Variants in LRP1B observed in about 807,000 individuals in gnomAD.
LRP1B encodes low-density lipoprotein receptor-related protein 1B.
LRP1B carries 217 observed loss-of-function variants against 556.6 expected under a neutral mutation model. The observed-to-expected ratio is 0.39, with a 90% CI of 0.35 to 0.44. The LOEUF (loss-of-function observed/expected upper bound fraction) is 0.44, where lower values mean the gene tolerates loss of function less well. Among genes scored for constraint, LRP1B ranks in the 20% least tolerant of loss-of-function variants. The pLI is 1.00. For synonymous variants in LRP1B, 2,047 were observed against 1,865.8 expected, an observed-to-expected ratio of 1.10 and a Z score of -2.50; for missense variants, 5,053 against 5,620.8, an observed-to-expected ratio of 0.90 and a Z score of 3.23.
At chr2:141,142,010 T>C (rs1161248930) in intron 7 of LRP1B, among the ~76,000 whole-genome samples, 2 of 151,472 alleles carry the variant, frequency 1.3e-5, no homozygotes, top group Non-Finnish European at 3.0e-5. Flanking sequence ...TTTTTTTTTT[T>C]CTAAAATGTA....
intron 43 of LRP1B, among the ~76,000 whole-genome samples, chr2:140,544,683 A>G (rs114319828): frequency 0.018 from 2,745 of 152,236 alleles, 94 homozygotes; most frequent in African/African-American, 0.062. Flanking sequence ...ATGGTATTCC[A>G]TGGTATAAAT....
At chr2:141,234,409 C>T (rs1275063128) in intron 5 of LRP1B, among the ~76,000 whole-genome samples, 1 of 151,804 alleles carries the variant, frequency 6.6e-6, no homozygotes, top group Non-Finnish European at 1.5e-5. Context: ...CAGAGTCTTG[C>T]TCTGTCATAC....
At chr2:141,731,203 C>T (rs1346071207) in intron 2 of LRP1B, among the ~76,000 whole-genome samples, 1 of 152,082 alleles carries the variant, frequency 6.6e-6, no homozygotes, top group African/African-American at 2.4e-5. Flanking sequence ...TTCAATGTTA[C>T]CTGGAGCATG....
intron 45 of LRP1B, among the ~76,000 whole-genome samples, chr2:140,540,222 C>A (rs933719296): frequency 1.3e-5 from 2 of 152,048 alleles, no homozygotes; most frequent in African/African-American, 4.8e-5. Flanking sequence ...AAAAATGTAT[C>A]AAATCTGACA....
At chr2:141,264,674 C>G (rs1308977144) in intron 3 of LRP1B, among the ~76,000 whole-genome samples, 5 of 152,112 alleles carry the variant, frequency 3.3e-5, no homozygotes, top group Non-Finnish European at 7.3e-5. Flanking sequence ...AGGCTGGTGT[C>G]GAACTGCTGA....
chr2:141,616,273 T>C (rs77818255), intron 2 of LRP1B, among the ~76,000 whole-genome samples: 3,479 of 143,136 alleles, frequency 0.024, 133 homozygotes, highest in African/African-American at 0.087. Flanking sequence ...AGGGTGAGAC[T>C]CTGTCTCAAG....
intron 7 of LRP1B, among the ~76,000 whole-genome samples, chr2:141,128,431 T>C (rs2105018974): frequency 6.6e-6 from 1 of 152,270 alleles, no homozygotes; most frequent in East Asian, 1.9e-4. Flanking sequence ...AGTCAGGTCC[T>C]ACATAATCTG....
intron 1 of LRP1B, among the ~76,000 whole-genome samples, chr2:141,938,159 A>G (rs1463628693): frequency 1.3e-5 from 2 of 152,180 alleles, no homozygotes; most frequent in Non-Finnish European, 2.9e-5. Flanking sequence ...TCAAGAAAAT[A>G]AAAAAGGCAA....
intron 43 of LRP1B, among the ~76,000 whole-genome samples, chr2:140,591,177 T>A (rs1326348988): frequency 6.6e-6 from 1 of 152,166 alleles, no homozygotes; most frequent in Non-Finnish European, 1.5e-5. Flanking sequence ...GCCTCCTGAG[T>A]TCAGAAAAAT....
chr2:140,927,142 T>C (rs1216588250), intron 20 of LRP1B, among the ~76,000 whole-genome samples: 1 of 152,072 alleles, frequency 6.6e-6, no homozygotes, highest in African/African-American at 2.4e-5. Flanking sequence ...CCATCTCTAC[T>C]AAATATACAA....
At chr2:141,527,623 T>G (rs962052352) in intron 2 of LRP1B, among the ~76,000 whole-genome samples, 3 of 152,120 alleles carry the variant, frequency 2.0e-5, no homozygotes, top group African/African-American at 7.2e-5. Flanking sequence ...GACCTCCTAT[T>G]GATTACTGTC....
At chr2:141,510,195 G>GACACACAA (rs1684071744) in intron 2 of LRP1B, among the ~76,000 whole-genome samples, 1 of 95,110 alleles carries the variant, frequency 1.1e-5, no homozygotes, top group South Asian at 3.9e-4. Flanking sequence ...CGGCAATACA[G>GACACACAA]ACACACACAC....
intron 1 of LRP1B, among the ~76,000 whole-genome samples, chr2:142,112,677 G>A (rs1005994892): frequency 6.6e-5 from 10 of 151,962 alleles, no homozygotes; most frequent in East Asian, 1.9e-4. Flanking sequence ...TCTAGATGGC[G>A]TTCTCTAATT....
chr2:141,126,577 A>G (rs1701218279), intron 7 of LRP1B, among the ~76,000 whole-genome samples: 1 of 152,046 alleles, frequency 6.6e-6, no homozygotes. Flanking sequence ...TCAGTCCCCA[A>G]AACTTTTTCT....
At chr2:141,682,276 A>G (rs1691132399) in intron 2 of LRP1B, among the ~76,000 whole-genome samples, 1 of 152,064 alleles carries the variant, frequency 6.6e-6, no homozygotes, top group African/African-American at 2.4e-5. Context: ...ACATATATGC[A>G]CTATTTAATT....
chr2:141,024,626 T>A (rs370541217), intron 11 of LRP1B, among the ~76,000 whole-genome samples: 2 of 152,008 alleles, frequency 1.3e-5, no homozygotes, highest in East Asian at 3.9e-4. Flanking sequence ...AGATCAAGAA[T>A]GGTTAAGGAC....
intron 86 of LRP1B, among the ~76,000 whole-genome samples, chr2:140,263,873 C>T (rs1682066043): frequency 6.6e-6 from 1 of 151,506 alleles, no homozygotes; most frequent in South Asian, 2.1e-4. Flanking sequence ...TCCAAAGCCA[C>T]AGTCACCTTT....
At chr2:141,497,417 C>T (rs1683546031) in intron 2 of LRP1B, among the ~76,000 whole-genome samples, 1 of 152,014 alleles carries the variant, frequency 6.6e-6, no homozygotes, top group Admixed American at 6.6e-5. Flanking sequence ...TCTGGGTCTA[C>T]TTGAAAACAA....
At chr2:141,432,022 T>TATCC (rs1479479704) in intron 3 of LRP1B, among the ~76,000 whole-genome samples, 5 of 152,160 alleles carry the variant, frequency 3.3e-5, no homozygotes. Flanking sequence ...TGAGAGCAGA[T>TATCC]ATCCTTCTCT....
Sources: gnomAD v4.1 joint callset for allele counts (sites outside exome capture counted in the v4.1 genomes callset) on GRCh38, gnomAD v4.1.1 for gene constraint, MANE v1.5 for transcripts, NCBI Gene and HGNC (gene_info 2026-07-23, HGNC 2026-07-21) for gene names.